Variants in CKAP5 observed in about 807,000 individuals in gnomAD.
CKAP5 encodes the protein cytoskeleton-associated protein 5.
In CKAP5, 27 loss-of-function variants were observed where a neutral mutation model predicts 232.8. The observed-to-expected ratio is 0.12, with a 90% CI of 0.09 to 0.16. The LOEUF (loss-of-function observed/expected upper bound fraction) is 0.16, where lower values mean the gene tolerates loss of function less well. Among genes scored for constraint, CKAP5 ranks in the 10% least tolerant of loss-of-function variants. The pLI is 1.00. For missense variants in CKAP5, 1,838 were observed against 2,424.7 expected, an observed-to-expected ratio of 0.76 and a Z score of 5.08; for synonymous variants, 785 against 841.1, an observed-to-expected ratio of 0.93 and a Z score of 1.16.
Position 46,784,664 on chromosome 11 carries a change from T to G in CKAP5, c.1978A>C (p.Met660Leu), listed in dbSNP as rs1025852177. The G allele has an allele frequency of 6.2e-7, 1 of 1,613,506 alleles. No individual in the cohort carries two copies. Among genetic ancestry groups the G allele is most frequent in the Admixed American group, 1.7e-5 (1 of 59,950 alleles). Residue 660 changes from methionine to leucine, a missense_variant, in exon 17 of 44, where the codon ATG (methionine) becomes CTG (leucine). Transcript: ENST00000529230. ...ATCAAAGCAACTATATGAAGCTTCA[T>G]TTGCATCACCTGAACAAGGATCAGT... ...WKETNFQVMQMKLHIVALIAQ... is the reference protein window; with the variant it reads ...WKETNFQVMQLKLHIVALIAQ...
At chr11:46,843,178 G>T (rs1940102509) in intron 1 of CKAP5, among the ~76,000 whole-genome samples, 1 of 152,182 alleles carries the variant, frequency 6.6e-6, no homozygotes, top group South Asian at 2.1e-4. Context: ...TGGAGAAATT[G>T]TAAGTCAGGA....
intron 32 of CKAP5, 109 bp from the exon 33 acceptor site, chr11:46,760,893 C>T (rs2065148901): frequency 6.1e-6 from 6 of 982,032 alleles, no homozygotes; most frequent in South Asian, 5.0e-5. Context: ...TTTCAAAGCA[C>T]CACATTTCAA....
intron 1 of CKAP5, among the ~76,000 whole-genome samples, chr11:46,825,296 T>C (rs574863768): frequency 6.6e-6 from 1 of 152,300 alleles, no homozygotes; most frequent in Admixed American, 6.5e-5. Context: ...CTGTGCATTT[T>C]CTCATTAACC....
intron 15 of CKAP5, 97 bp downstream of exon 15, chr11:46,789,979 T>C (rs2134637938): frequency 1.3e-6 from 1 of 767,094 alleles, no homozygotes; most frequent in East Asian, 2.5e-5. Context: ...TCACCGGTTA[T>C]AAAACACAGC....
chr11:46,762,555 C>T (rs2065165070), intron 31 of CKAP5, 72 bp downstream of exon 31: 4 of 1,557,312 alleles, frequency 2.6e-6, no homozygotes, highest in Non-Finnish European at 3.5e-6. Flanking sequence ...TTTATTTGTT[C>T]ATCTATAAAC....
intron 1 of CKAP5, among the ~76,000 whole-genome samples, chr11:46,822,578 C>T (rs1939559685): frequency 6.6e-6 from 1 of 151,692 alleles, no homozygotes; most frequent in African/African-American, 2.4e-5. Context: ...GGTGAAATCC[C>T]ATCTCTATTA....
At chr11:46,803,091 C>T (rs568974875) in intron 8 of CKAP5, among the ~76,000 whole-genome samples, 1 of 151,682 alleles carries the variant, frequency 6.6e-6, no homozygotes, top group Admixed American at 6.6e-5. Context: ...TAGCGAAACC[C>T]TGTCTCTACC....
At position 46,782,484 on chromosome 11, in the gene CKAP5, A is replaced by C. The variant is rs531350472; in HGVS notation, c.2249+790T>G. Among the ~76,000 whole-genome samples, 3 of 152,374 alleles carry C rather than the reference A, an allele frequency of 2.0e-5. No homozygotes were observed. The East Asian group carries it at 5.8e-4, about 29-fold the overall frequency. On this transcript the variant is annotated intron_variant, in intron 18 of 43. Transcript: ENST00000529230. ...ATAACAAACCGTTCTTTGTTATTTG[A>C]GTAACTTCTAGAGTAGTGTTTTTTC...
In CKAP5 at chr11:46,751,190, C is replaced by T; in HGVS notation, c.5388G>A (p.Arg1796=). ...NESELEAHLC[R]MMKHSMDQTG... ...TCTGGTCCATACTGTGCTTCATCAT[C>T]CGGCAGAGATGGGCCTCCAGCTCAG... Residue 1796 remains arginine (R), a synonymous_variant, in exon 40 of 44, where the codon CGG becomes CGA. Coordinates refer to ENST00000529230, the MANE Select transcript of CKAP5 (RefSeq NM_001008938.4). 1 of 1,614,160 alleles carries T rather than the reference C, an allele frequency of 6.2e-7. No homozygotes were observed. Among genetic ancestry groups the T allele is most frequent in the Non-Finnish European group, 8.5e-7 (1 of 1,180,032 alleles).
intron 8 of CKAP5, among the ~76,000 whole-genome samples, chr11:46,806,249 T>C (rs1428563606): frequency 6.6e-6 from 1 of 152,196 alleles, no homozygotes; most frequent in African/African-American, 2.4e-5. Context: ...ACATTCACAA[T>C]GCCAATGGAA....
At chr11:46,824,134 T>C (rs77936379) in intron 1 of CKAP5, among the ~76,000 whole-genome samples, 2,462 of 152,316 alleles carry the variant, frequency 0.016, 78 homozygotes, top group South Asian at 0.15. Context: ...CTAAGATTCA[T>C]AGTCTATGCT....
chr11:46,772,297 AG>A (rs900468051), intron 24 of CKAP5, among the ~76,000 whole-genome samples: 1 of 151,960 alleles, frequency 6.6e-6, no homozygotes, highest in Non-Finnish European at 1.5e-5. Flanking sequence ...GCAGAGTAAA[AG>A]TTTTTAATTT....
chr11:46,793,747 A>T (rs1329253283), intron 13 of CKAP5, among the ~76,000 whole-genome samples: 2 of 152,104 alleles, frequency 1.3e-5, no homozygotes, highest in Non-Finnish European at 2.9e-5. Flanking sequence ...ACACGGCAAA[A>T]CCCCATCTCT....
intron 30 of CKAP5, 88 bp downstream of exon 30, chr11:46,762,888 C>T: frequency 6.9e-7 from 1 of 1,449,122 alleles, no homozygotes; most frequent in Non-Finnish European, 9.6e-7. Context: ...GTGATATAAT[C>T]AGTAAAAAAG....
intron 16 of CKAP5, among the ~76,000 whole-genome samples, 184 bp downstream of exon 16, chr11:46,788,497 C>G (rs1342644233): frequency 6.6e-6 from 1 of 152,064 alleles, no homozygotes; most frequent in African/African-American, 2.4e-5. Context: ...TTGCTTGAAC[C>G]CAGGAGGTGG....
rs184605179 is a variant in CKAP5 at position 46,775,592 on chromosome 11, C to T, written c.2991+663G>A. The stretch of plus-strand genomic sequence containing the variant: ...CAACCCAAATGCCCATCATGTTAGA[C>T]TGGATAAAGAAAATGTGGCACATAT... On this transcript the variant is annotated intron_variant, in intron 24 of 43. Coordinates refer to ENST00000529230, the MANE Select transcript of CKAP5 (RefSeq NM_001008938.4). Among the ~76,000 whole-genome samples, 268 of 152,252 alleles carry T rather than the reference C, an allele frequency of 1.8e-3. 2 individuals carry two copies. The highest frequency in any genetic ancestry group is 5.2e-3 in the South Asian group (25 of 4,830).
At chr11:46,835,168 T>G (rs1473561907) in intron 1 of CKAP5, among the ~76,000 whole-genome samples, 1 of 152,090 alleles carries the variant, frequency 6.6e-6, no homozygotes, top group East Asian at 1.9e-4. Flanking sequence ...GAATAGAATC[T>G]GTTTGAGAGA....
intron 38 of CKAP5, among the ~76,000 whole-genome samples, chr11:46,752,193 T>TATATATATATATATAC (rs1408030107): frequency 3.9e-4 from 26 of 66,534 alleles, no homozygotes; most frequent in African/African-American, 1.3e-3. Flanking sequence ...TATATATATA[T>TATATATATATATATAC]ACACACACAC....
intron 42 of CKAP5, among the ~76,000 whole-genome samples, chr11:46,749,392 T>C (rs531111721): frequency 6.9e-6 from 1 of 145,434 alleles, no homozygotes; most frequent in African/African-American, 2.6e-5. Context: ...GAGGCGGAGG[T>C]TGCAGTGAGC....
Sources: allele counts gnomAD v4.1 joint callset (sites outside exome capture counted in the v4.1 genomes callset), GRCh38; gene constraint gnomAD v4.1.1; transcripts MANE v1.5; gene names NCBI Gene and HGNC (gene_info 2026-07-23, HGNC 2026-07-21).